CCDC192: variants seen among roughly 807,000 people sequenced by gnomAD.
CCDC192 encodes the protein coiled-coil domain containing 192, also known as coiled-coil domain-containing protein 192.
intron 5 of CCDC192, among the ~76,000 whole-genome samples, chr5:127,809,116 G>T (rs947370430): frequency 7.6e-4 from 116 of 152,166 alleles, no homozygotes; most frequent in African/African-American, 2.7e-3. Context: ...CTGTTCTCTT[G>T]ATACAATTTT....
chr5:127,864,504 T>C (rs551829011), intron 5 of CCDC192, among the ~76,000 whole-genome samples: 1 of 152,326 alleles, frequency 6.6e-6, no homozygotes, highest in African/African-American at 2.4e-5. Flanking sequence ...CTGTGCTAGA[T>C]TTGTAATGGA....
chr5:127,864,704 T>C (rs537703441), intron 5 of CCDC192, among the ~76,000 whole-genome samples: 53 of 152,298 alleles, frequency 3.5e-4, no homozygotes, highest in African/African-American at 1.3e-3. Flanking sequence ...CACCTTTCCC[T>C]CTCTCTCTGT....
chr5:127,899,577 AAAT>A (rs1382191760), intron 6 of CCDC192, among the ~76,000 whole-genome samples: 219 of 151,892 alleles, frequency 1.4e-3, no homozygotes, highest in African/African-American at 5.0e-3. Context: ...AAAAAAAAAA[AAAT>A]TTGATTTGAT....
At chr5:127,914,586 A>G (rs1561549860) in intron 6 of CCDC192, among the ~76,000 whole-genome samples, 1 of 152,196 alleles carries the variant, frequency 6.6e-6, no homozygotes, top group Non-Finnish European at 1.5e-5. Context: ...GTGAACCTGT[A>G]CAAATGGTAA....
At chr5:127,746,746 G>C (rs924013816) in intron 2 of CCDC192, among the ~76,000 whole-genome samples, 1 of 151,848 alleles carries the variant, frequency 6.6e-6, no homozygotes, top group African/African-American at 2.4e-5. Context: ...GCAAACTTTT[G>C]AGGGTGAGTA....
rs1182356052 is a variant in CCDC192 at position 127,875,638 on chromosome 5, A to G, written c.512A>G (p.Tyr171Cys). The change falls in exon 6 of 7, where the codon TAT (tyrosine) becomes TGT (cysteine). Residue 171 changes from tyrosine to cysteine, a missense_variant. By Grantham distance (194) the Tyr-to-Cys change is radical. Transcript: ENST00000514853. Reference sequence around the variant, plus strand: ...CTCAATGAGAAGATAAAGACTCTATATGAAGGAAAGCCAGCCCCTAGAGGT... The same window carrying G: ...CTCAATGAGAAGATAAAGACTCTATGTGAAGGAAAGCCAGCCCCTAGAGGT... ...LELNEKIKTL[Y>C]EGKPAPREDS... The G allele has an allele frequency of 5.0e-6, 2 of 398,840 alleles. No individual in the cohort carries two copies. Among genetic ancestry groups the G allele is most frequent in the Admixed American group, 8.8e-5 (2 of 22,718 alleles). The allele number at this position is 398,840 out of a possible 1,614,324, so 24.7% of individuals were successfully genotyped here.
At chr5:127,874,054 G>T (rs1466210740) in intron 5 of CCDC192, among the ~76,000 whole-genome samples, 3 of 152,168 alleles carry the variant, frequency 2.0e-5, no homozygotes, top group Non-Finnish European at 4.4e-5. Context: ...TGGAGGCAGA[G>T]ACTATCAGCC....
chr5:127,927,842 T>G (rs1580836146), intron 6 of CCDC192, among the ~76,000 whole-genome samples: 2 of 124,480 alleles, frequency 1.6e-5, no homozygotes, highest in African/African-American at 4.0e-5. Flanking sequence ...TGTTCTTTGG[T>G]TTTTTTTCCC....
intron 3 of CCDC192, among the ~76,000 whole-genome samples, chr5:127,781,670 T>C (rs1216871799): frequency 1.3e-5 from 2 of 152,146 alleles, no homozygotes; most frequent in East Asian, 3.9e-4. Context: ...GAGCTACTGA[T>C]TTGTGTACAC....
chr5:127,935,607 C>T (rs1754166364), intron 6 of CCDC192: 1 of 152,196 alleles, frequency 6.6e-6, no homozygotes, highest in South Asian at 2.1e-4. Context: ...GAAACCACTC[C>T]TTCTTGCTCT....
intron 5 of CCDC192, among the ~76,000 whole-genome samples, chr5:127,822,979 A>G (rs1327172863): frequency 1.3e-5 from 2 of 152,162 alleles, no homozygotes; most frequent in African/African-American, 4.8e-5. Flanking sequence ...AGAAAGAACC[A>G]GGGCCCTCTC....
chr5:127,715,767 G>A (rs537461640), intron 2 of CCDC192, among the ~76,000 whole-genome samples: 1 of 152,128 alleles, frequency 6.6e-6, no homozygotes, highest in Admixed American at 6.5e-5. Flanking sequence ...ATGTTTTGTA[G>A]TTTTTATTGT....
intron 3 of CCDC192, among the ~76,000 whole-genome samples, chr5:127,757,318 A>G (rs1264613488): frequency 6.6e-6 from 1 of 152,230 alleles, no homozygotes; most frequent in African/African-American, 2.4e-5. Context: ...GAAGTTGGCC[A>G]TAGTTTGAGG....
At chr5:127,790,017 C>A (rs572316681) in intron 3 of CCDC192, among the ~76,000 whole-genome samples, 15 of 152,330 alleles carry the variant, frequency 9.8e-5, no homozygotes, top group African/African-American at 3.1e-4. Context: ...TGGGCATAAC[C>A]CCCATGCAGT....
intron 2 of CCDC192, among the ~76,000 whole-genome samples, chr5:127,730,041 T>C (rs987847981): frequency 9.9e-5 from 15 of 151,964 alleles, no homozygotes; most frequent in Non-Finnish European, 7.4e-5. Context: ...CTGAAGAAGA[T>C]AGAGACACAA....
intron 3 of CCDC192, among the ~76,000 whole-genome samples, chr5:127,776,271 A>G (rs1218654504): frequency 4.7e-5 from 7 of 148,780 alleles, no homozygotes; most frequent in Non-Finnish European, 8.8e-5. Context: ...ACTTAAGCAA[A>G]GATTGCTCTT....
chr5:127,826,784 A>T (rs913304654), intron 5 of CCDC192, among the ~76,000 whole-genome samples: 1 of 151,764 alleles, frequency 6.6e-6, no homozygotes, highest in Non-Finnish European at 1.5e-5. Context: ...AAGCTAAAAT[A>T]AAAGTTGAAA....
At chr5:127,896,885 G>T (rs1273678361) in intron 6 of CCDC192, among the ~76,000 whole-genome samples, 1 of 152,150 alleles carries the variant, frequency 6.6e-6, no homozygotes, top group African/African-American at 2.4e-5. Context: ...ATGGTGACTA[G>T]GTTACTAGTA....
chr5:127,895,838 C>CAAAAAAAAA (rs996288380), intron 6 of CCDC192, among the ~76,000 whole-genome samples: 1 of 131,234 alleles, frequency 7.6e-6, no homozygotes. Flanking sequence ...TACCCTGTCT[C>CAAAAAAAAA]AAAAAAAAAA....
Sources: gnomAD v4.1 joint callset for allele counts (sites outside exome capture counted in the v4.1 genomes callset) on GRCh38, gnomAD v4.1.1 for gene constraint, MANE v1.5 for transcripts, NCBI Gene and HGNC (gene_info 2026-07-23, HGNC 2026-07-21) for gene names.